ITPKB: variants seen among roughly 807,000 people sequenced by gnomAD.
ITPKB encodes IP3 3-kinase B.
ITPKB carries 13 observed loss-of-function variants against 69.4 expected under a neutral mutation model. The ratio of observed to expected loss-of-function variants is 0.19; its 90% CI spans 0.12 to 0.30. ITPKB has a LOEUF of 0.30. Among genes scored for constraint, ITPKB ranks in the 10% least tolerant of loss-of-function variants. The probability of loss-of-function intolerance (pLI) is 1.00; values close to 1 mark genes in which losing one functional copy is unlikely to be tolerated. For missense variants in ITPKB, 1,240 were observed against 1,250.5 expected (o/e 0.99, Z 0.13); for synonymous variants, 584 against 513.7 (o/e 1.14, Z -1.85).
At position 226,731,970 on chromosome 1, in the gene ITPKB, T is replaced by G. The variant is rs185938178; in HGVS notation, c.1932+3557A>C. Among the ~76,000 whole-genome samples the G allele has an allele frequency of 2.7e-3, 406 of 152,030 alleles. 5 individuals carry two copies. The highest frequency in any genetic ancestry group is 5.7e-4 in the Non-Finnish European group (39 of 67,978). On this transcript the variant is annotated intron_variant, in intron 2 of 7. Transcript: ENST00000429204. ...CTAGGCTTTTAAATTTTAGTTTGGT[T>G]TACCCCAAACTAAAATTTTTACACA...
At chr1:226,700,154 G>T (rs541781914) in intron 2 of ITPKB, among the ~76,000 whole-genome samples, 1 of 152,096 alleles carries the variant, frequency 6.6e-6, no homozygotes, top group Non-Finnish European at 1.5e-5. Context: ...TGGTAACACC[G>T]TCATAGACAC....
intron 2 of ITPKB, among the ~76,000 whole-genome samples, chr1:226,706,811 T>C (rs900453373): frequency 1.3e-5 from 2 of 152,210 alleles, no homozygotes; most frequent in Non-Finnish European, 1.5e-5. Context: ...CTGTCTGGCT[T>C]TCTGGGCCTG....
intron 2 of ITPKB, among the ~76,000 whole-genome samples, chr1:226,681,709 AT>A (rs1462935138): frequency 6.6e-6 from 1 of 152,226 alleles, no homozygotes; most frequent in Non-Finnish European, 1.5e-5. Flanking sequence ...CTGCAACAAC[AT>A]TTAAATGCCT....
intron 7 of ITPKB, 152 bp from the exon 8 acceptor site, chr1:226,635,038 G>A: frequency 1.6e-6 from 1 of 635,532 alleles, no homozygotes; most frequent in Admixed American, 2.9e-5. Context: ...ACAGGCAGCA[G>A]AGCCGGCCCA....
At chr1:226,683,621 G>A (rs1279372686) in intron 2 of ITPKB, among the ~76,000 whole-genome samples, 1 of 152,120 alleles carries the variant, frequency 6.6e-6, no homozygotes. Context: ...GGTGGCGGGG[G>A]AAGGGGAGTG....
rs375907358 is a variant in ITPKB at position 226,736,391 on chromosome 1, T to G, written c.1068A>C (p.Pro356=). ...CGCGGGGCCCGCCCCTTTCTGGGGC[T>G]GGGCTTGTCTCACTGCCCAGAAACT... ...QGQFLGSETS[P]APERGGPRDG... The change falls in exon 2 of 8, where the codon CCA becomes CCC. Residue 356 remains proline, a synonymous_variant. Transcript: ENST00000429204. 6 of 1,612,526 alleles carry G rather than the reference T, an allele frequency of 3.7e-6. No homozygotes were observed. In the South Asian group the frequency reaches 6.6e-5, roughly 18 times the overall value.
At position 226,734,438 on chromosome 1, in the gene ITPKB, G is replaced by A. The variant is rs548939203; in HGVS notation, c.1932+1089C>T. Among the ~76,000 whole-genome samples the A allele has an allele frequency of 3.3e-5, 5 of 152,330 alleles. No individual in the cohort carries two copies. In the South Asian group the frequency reaches 1.0e-3, roughly 32 times the overall value. On this transcript the variant is annotated intron_variant, in intron 2 of 7. Transcript: ENST00000429204. ...CCCAGTCGTGGTGGAGAAAGTTATT[G>A]AGGTACAGTGAAGAGTATTTGATAT...
chr1:226,639,495 GTA>G, intron 6 of ITPKB, 60 bp downstream of exon 6: 1 of 1,124,638 alleles, frequency 8.9e-7, no homozygotes, highest in South Asian at 1.2e-5. Context: ...CACCTCCAGA[GTA>G]GACACAGTTG....
At chr1:226,737,965 C>A (rs546075216) in intron 1 of ITPKB, among the ~76,000 whole-genome samples, 1 of 152,310 alleles carries the variant, frequency 6.6e-6, no homozygotes, top group African/African-American at 2.4e-5. Flanking sequence ...GAAGCGAGGT[C>A]CAAGTCCTTG....
rs777311993 is a variant in ITPKB at position 226,737,198 on chromosome 1, G to A, written c.261C>T (p.Gly87=). ...TACTGCCGCTGCTGCCGCTGCCACT[G>A]CCGCTGCTACTATTCAGCCTGCGCC... ...SGRRRLNSSS[G]SGSGSSGSSV... is the part of the protein sequence containing the mutation. The change falls in exon 2 of 8, where the codon GGC becomes GGT. Residue 87 remains glycine, a synonymous_variant. Coordinates refer to ENST00000429204, the MANE Select transcript of ITPKB (RefSeq NM_002221.4). 1.3e-6 allele frequency: 2 copies of A among 1,586,724 alleles called. No homozygotes were observed. The highest frequency in any genetic ancestry group is 2.2e-5 in the South Asian group (2 of 90,190).
At chr1:226,702,507 G>A (rs1399276298) in intron 2 of ITPKB, among the ~76,000 whole-genome samples, 4 of 152,090 alleles carry the variant, frequency 2.6e-5, no homozygotes, top group Non-Finnish European at 5.9e-5. Flanking sequence ...CTCTTCTGAT[G>A]ACCTCACTGT....
chr1:226,651,267 G>C (rs919634972), intron 2 of ITPKB, among the ~76,000 whole-genome samples: 1 of 152,228 alleles, frequency 6.6e-6, no homozygotes, highest in Non-Finnish European at 1.5e-5. Context: ...GTGAGCAGGC[G>C]AGGCCTCGGG....
intron 2 of ITPKB, among the ~76,000 whole-genome samples, chr1:226,716,970 T>C (rs539456429): frequency 1.3e-5 from 2 of 152,366 alleles, no homozygotes; most frequent in South Asian, 2.1e-4. Context: ...AAATATTATA[T>C]AGACTTCATC....
At chr1:226,681,844 T>C (rs1656100246) in intron 2 of ITPKB, among the ~76,000 whole-genome samples, 1 of 152,214 alleles carries the variant, frequency 6.6e-6, no homozygotes, top group Non-Finnish European at 1.5e-5. Context: ...AACAAATGCC[T>C]GTACTCCAGC....
rs190306561 is a variant in ITPKB, at chr1:226,711,960, A to G, written c.1932+23567T>C. Among the ~76,000 whole-genome samples, 173 of 152,234 alleles carry G rather than the reference A, an allele frequency of 1.1e-3. 1 individual carries two copies. The highest frequency in any genetic ancestry group is 4.1e-3 in the African/African-American group (170 of 41,534). Reference sequence around the variant, plus strand: ...TTTTTATTCTCCTCCCTGTTCTGCAAAAGGCCTCCCTGCGGGGAAGGTTTT... The same window carrying G: ...TTTTTATTCTCCTCCCTGTTCTGCAGAAGGCCTCCCTGCGGGGAAGGTTTT... On this transcript the variant is annotated intron_variant, in intron 2 of 7. Transcript: ENST00000429204.
chr1:226,691,921 C>T (rs1571860771), intron 2 of ITPKB, among the ~76,000 whole-genome samples: 1 of 152,268 alleles, frequency 6.6e-6, no homozygotes, highest in South Asian at 2.1e-4. Context: ...TCACCCAGGG[C>T]CCACCTGGAG....
chr1:226,717,576 C>T (rs1657125765), intron 2 of ITPKB, among the ~76,000 whole-genome samples: 1 of 152,158 alleles, frequency 6.6e-6, no homozygotes, highest in Non-Finnish European at 1.5e-5. Flanking sequence ...TCTGCATCTG[C>T]TTCTTTGTTT....
intron 2 of ITPKB, among the ~76,000 whole-genome samples, chr1:226,724,215 G>A (rs1162301239): frequency 6.6e-6 from 1 of 152,064 alleles, no homozygotes; most frequent in African/African-American, 2.4e-5. Context: ...GTGGGTTCAG[G>A]TCTGGCTGGC....
At chr1:226,665,153 G>A (rs548684043) in intron 2 of ITPKB, among the ~76,000 whole-genome samples, 26 of 152,318 alleles carry the variant, frequency 1.7e-4, no homozygotes, top group Admixed American at 9.2e-4. Context: ...CTGTAATCCC[G>A]GACAGCGGCC....
Sources: gnomAD v4.1 joint callset for allele counts (sites outside exome capture counted in the v4.1 genomes callset) on GRCh38, gnomAD v4.1.1 for gene constraint, MANE v1.5 for transcripts, NCBI Gene and HGNC (gene_info 2026-07-23, HGNC 2026-07-21) for gene names.